PDZD2: variants seen among roughly 807,000 people sequenced by gnomAD.
PDZD2 encodes the protein PDZ domain containing 2, also known as PDZ domain-containing protein 2.
PDZD2 carries 90 observed loss-of-function variants against 220.7 expected under a neutral mutation model. The ratio of observed to expected loss-of-function variants is 0.41; its 90% CI spans 0.34 to 0.49. The LOEUF (loss-of-function observed/expected upper bound fraction) is 0.49. Ranked by LOEUF, PDZD2 falls within the 20% of genes least tolerant of loss-of-function variation. The pLI, the probability that PDZD2 is intolerant of heterozygous loss-of-function variation, is 0.28. For missense variants in PDZD2, 3,174 were observed against 3,608.5 expected, an observed-to-expected ratio of 0.88 and a Z score of 3.08; for synonymous variants, 1,375 against 1,450.5, an observed-to-expected ratio of 0.95 and a Z score of 1.18.
rs780123944 is a variant in PDZD2, at chr5:32,077,689, G to GCTTA, written c.3682+85_3682+88dup. 1.3e-5 allele frequency: 18 copies of GCTTA among 1,396,170 alleles called. No individual in the cohort carries two copies. The African/African-American group carries it at 2.3e-4, about 18-fold the overall frequency. The allele number at this position is 1,396,170 out of a possible 1,614,324, so 86.5% of individuals were successfully genotyped here. A position where few individuals can be genotyped will look rare whatever the true frequency, so the allele number is the denominator to read the frequency against. On this transcript the variant is annotated intron_variant, in intron 19 of 24. Transcript: ENST00000438447. ...AGCATTATACAGGCCAGGCGCAGTGGCTTACACCTGTAATCCCAGCACTCT... is the reference window on the plus strand; with the variant it reads ...AGCATTATACAGGCCAGGCGCAGTGGCTTACTTACACCTGTAATCCCAGCACTCT...
chr5:31,796,072 G>C (rs1754003778), intron 1 of PDZD2, among the ~76,000 whole-genome samples: 1 of 152,162 alleles, frequency 6.6e-6, no homozygotes, highest in South Asian at 2.1e-4. Context: ...GGCCAACAGT[G>C]ATTGGACATC....
At chr5:31,879,238 T>A (rs567274915) in intron 2 of PDZD2, among the ~76,000 whole-genome samples, 22 of 151,720 alleles carry the variant, frequency 1.5e-4, no homozygotes, top group African/African-American at 2.9e-4. Flanking sequence ...ATAGAAAAAA[T>A]TAGCCGGGCG....
chr5:31,982,157 G>A (rs755662342), intron 2 of PDZD2, among the ~76,000 whole-genome samples: 8 of 152,216 alleles, frequency 5.3e-5, no homozygotes, highest in Non-Finnish European at 8.8e-5. Context: ...CATTGTCAGT[G>A]ATCCTCCTAA....
intron 1 of PDZD2, among the ~76,000 whole-genome samples, chr5:31,740,581 C>T (rs1378385627): frequency 6.9e-6 from 1 of 145,782 alleles, no homozygotes; most frequent in Non-Finnish European, 1.5e-5. Context: ...TGCAGCTGAC[C>T]TGGGCTTAAG....
chr5:31,864,705 C>T (rs1738032651), intron 2 of PDZD2, among the ~76,000 whole-genome samples: 1 of 149,678 alleles, frequency 6.7e-6, no homozygotes, highest in South Asian at 2.1e-4. Context: ...TTAGTAGACA[C>T]AGGGTTTCAC....
At chr5:31,902,384 T>C (rs745533293) in intron 2 of PDZD2, among the ~76,000 whole-genome samples, 6 of 152,186 alleles carry the variant, frequency 3.9e-5, no homozygotes, top group Non-Finnish European at 8.8e-5. Flanking sequence ...TTTTTGTATA[T>C]CTTCTTTGGA....
chr5:31,748,440 G>C (rs1455978233), intron 1 of PDZD2, among the ~76,000 whole-genome samples: 4 of 152,186 alleles, frequency 2.6e-5, no homozygotes, highest in African/African-American at 9.7e-5. Context: ...AGCTGTTTCA[G>C]AGACAATATC....
intron 6 of PDZD2, among the ~76,000 whole-genome samples, chr5:32,012,128 G>T (rs899561067): frequency 6.6e-6 from 1 of 152,244 alleles, no homozygotes; most frequent in Middle Eastern, 3.4e-3. Flanking sequence ...AGCCCAGGGG[G>T]TTCCTCATTG....
Position 31,799,281 on chromosome 5 carries a change from C to G in PDZD2, c.33C>G (p.His11Gln). Residue 11 changes from histidine (H) to glutamine (Q), a missense_variant, in exon 2 of 25, where the codon CAC becomes CAG. Physicochemically the swap from His to Gln is conservative, Grantham distance 24 (BLOSUM62 0). Around this residue, in one of 4 missense-constraint regions of PDZD2, gnomAD observed 632 missense variants for 708.1 expected, o/e 0.89. Coordinates refer to ENST00000438447, the MANE Select transcript of PDZD2 (RefSeq NM_178140.4). MPITQDNAVL[H>Q]LPLLYQWLQN... ...TCACCCAGGACAATGCCGTGCTGCA[C>G]CTGCCCCTCCTCTACCAGTGGCTGC... The G allele has an allele frequency of 6.2e-7, 1 of 1,611,812 alleles. No homozygotes were observed. The highest frequency in any genetic ancestry group is 8.5e-7 in the Non-Finnish European group (1 of 1,178,730).
At chr5:31,706,842 C>CA (rs60622267) in intron 1 of PDZD2, among the ~76,000 whole-genome samples, 24,116 of 127,600 alleles carry the variant, frequency 0.19, 2,315 homozygotes, top group Middle Eastern at 0.23. Context: ...GATTCCATCT[C>CA]AAAAAAAAAA....
In PDZD2 at chr5:32,090,616, G is replaced by C. The variant is rs1743032249; in HGVS notation, c.7168G>C (p.Ala2390Pro). The C allele has an allele frequency of 6.2e-7, 1 of 1,613,990 alleles. No homozygotes were observed. Among genetic ancestry groups the C allele is most frequent in the African/African-American group, 1.3e-5 (1 of 74,932 alleles). Reference sequence around the variant, plus strand: ...CCTGGGCCACCCAGGTGACGCAGCAGCAAGGTTGTTGAGACGCAGCTTGAG... The same window carrying C: ...CCTGGGCCACCCAGGTGACGCAGCACCAAGGTTGTTGAGACGCAGCTTGAG... ...GSLGHPGDAA[A>P]RLLRRSLSSC... The change falls in exon 20 of 25, where the codon GCA becomes CCA. Residue 2390 changes from alanine (A) to proline (P), a missense_variant. Physicochemically the swap from Ala to Pro is conservative, Grantham distance 27. Around this residue, in one of 4 missense-constraint regions of PDZD2, gnomAD observed 631 missense variants for 789.9 expected, o/e 0.80. Transcript: ENST00000438447. The surrounding 1 kb of genome is among the most constrained non-coding windows in gnomAD (Gnocchi z 4.3).
At chr5:32,013,240 A>G (rs1201121505) in intron 6 of PDZD2, among the ~76,000 whole-genome samples, 3 of 152,018 alleles carry the variant, frequency 2.0e-5, no homozygotes, top group Non-Finnish European at 4.4e-5. Flanking sequence ...TGTTTCACCA[A>G]TGTACTTCAC....
chr5:31,704,275 A>C (rs1211977692), intron 1 of PDZD2, among the ~76,000 whole-genome samples: 1 of 152,198 alleles, frequency 6.6e-6, no homozygotes, highest in Non-Finnish European at 1.5e-5. Flanking sequence ...AGCCTCCCAA[A>C]GTGCCAAGAT....
At chr5:31,654,852 CCTTCCCAGGAG>C (rs1745487439) in intron 1 of PDZD2, among the ~76,000 whole-genome samples, 2 of 152,154 alleles carry the variant, frequency 1.3e-5, no homozygotes, top group African/African-American at 4.8e-5. Context: ...TCTGCCCAAA[CCTTCCCAGGAG>C]CTTCCCATCT....
chr5:31,885,158 CAAAAAAAAAAAAAAAG>C (rs1445300175), intron 2 of PDZD2, among the ~76,000 whole-genome samples: 1 of 105,260 alleles, frequency 9.5e-6, no homozygotes, highest in Non-Finnish European at 2.0e-5. Context: ...GTGCAAACGG[CAAAAAAAAAAAAAAAG>C]AAAAAGAAAA....
intron 14 of PDZD2, among the ~76,000 whole-genome samples, chr5:32,061,981 A>G (rs747399527): frequency 4.6e-5 from 7 of 152,180 alleles, no homozygotes; most frequent in Non-Finnish European, 7.4e-5. Context: ...TGTGTTGCCC[A>G]GGCTATTCTC....
intron 1 of PDZD2, among the ~76,000 whole-genome samples, chr5:31,691,553 ATCTGGCGCCACCTGCTTTTATTCTC>A: frequency 6.6e-6 from 1 of 150,776 alleles, no homozygotes; most frequent in African/African-American, 2.4e-5. Context: ...TTATTCTCTT[ATCTGGCGCCACCTGCTTTTATTCTC>A]TTATCTGGCG....
At chr5:31,819,526 G>A (rs1385221653) in intron 2 of PDZD2, among the ~76,000 whole-genome samples, 3 of 151,806 alleles carry the variant, frequency 2.0e-5, no homozygotes, top group African/African-American at 7.3e-5. Context: ...GAGTGGTGAT[G>A]TACACCTGTA....
chr5:31,713,034 G>A (rs1451109997), intron 1 of PDZD2, among the ~76,000 whole-genome samples: 1 of 152,222 alleles, frequency 6.6e-6, no homozygotes, highest in Non-Finnish European at 1.5e-5. Context: ...ACAGTGTTGA[G>A]AAGGATTCTG....
Sources: gnomAD v4.1 joint callset for allele counts (sites outside exome capture counted in the v4.1 genomes callset) on GRCh38, gnomAD v4.1.1 for gene constraint, gnomAD v4.1.1 regional missense constraint, Gnocchi (gnomAD v3.1) non-coding constraint, MANE v1.5 for transcripts, NCBI Gene and HGNC (gene_info 2026-07-23, HGNC 2026-07-21) for gene names.